ACTL8: variants seen among roughly 807,000 people sequenced by gnomAD.
The protein encoded by ACTL8 is actin-like protein 8.
In ACTL8, 3 loss-of-function variants were observed where a neutral mutation model predicts 9.3. The ratio of observed to expected loss-of-function variants is 0.32; its 90% confidence interval spans 0.15 to 0.83. ACTL8 has a LOEUF of 0.83. ACTL8 is among the 40% of genes least tolerant of loss of function. ACTL8 has a pLI of 0.57. For synonymous variants in ACTL8, 224 were observed against 205.9 expected (o/e 1.09, Z -0.75); for missense variants, 381 against 492.2 (o/e 0.77, Z 2.14).
At chr1:17,808,036 C>T in intron 1 of ACTL8, among the ~76,000 whole-genome samples, 1 of 152,110 alleles carries the variant, frequency 6.6e-6, no homozygotes, top group East Asian at 1.9e-4. Flanking sequence ...TGCTGATACC[C>T]ATAAAATGAG....
At chr1:17,819,690 C>T (rs2053634183) in intron 1 of ACTL8, among the ~76,000 whole-genome samples, 1 of 152,214 alleles carries the variant, frequency 6.6e-6, no homozygotes, top group Admixed American at 6.5e-5. Context: ...AGTTCATACA[C>T]CTTTCATTGA....
intron 1 of ACTL8, among the ~76,000 whole-genome samples, chr1:17,774,078 C>T (rs2066101000): frequency 6.6e-6 from 1 of 152,128 alleles, no homozygotes; most frequent in African/African-American, 2.4e-5. Context: ...GCTGTCATGG[C>T]CTAGAGGTAG....
Position 17,823,215 on chromosome 1 carries a change from G to T in ACTL8, c.207G>T (p.Arg69=), listed in dbSNP as rs759604101. ...HPDTFSYPIE[R]GRILNWEGVQ... ...ACACCTTTAGCTACCCCATCGAGCG[G>T]GGCCGCATCCTCAACTGGGAGGGTG... Residue 69 remains arginine, a synonymous_variant, in exon 2 of 3, where the codon CGG becomes CGT. Coordinates refer to ENST00000375406, the MANE Select transcript of ACTL8 (RefSeq NM_030812.3). This position sits in a 1 kb window ranked among gnomAD's most constrained non-coding sequence, Gnocchi z 5.3. 30 of 1,614,036 alleles carry T rather than the reference G, an allele frequency of 1.9e-5. No individual in the cohort carries two copies. The highest frequency in any genetic ancestry group is 2.3e-5 in the Non-Finnish European group (27 of 1,180,048).
chr1:17,822,316 A>ATAT (rs1478418096), intron 1 of ACTL8, among the ~76,000 whole-genome samples: 1 of 152,182 alleles, frequency 6.6e-6, no homozygotes, highest in Non-Finnish European at 1.5e-5. Context: ...ATCGTGGCAA[A>ATAT]TATTAAATGA....
intron 1 of ACTL8, among the ~76,000 whole-genome samples, chr1:17,780,201 C>G (rs1442751917): frequency 6.6e-6 from 1 of 151,884 alleles, no homozygotes; most frequent in Non-Finnish European, 1.5e-5. Flanking sequence ...GAGTTGAGAC[C>G]CTGTCTTGAA....
At chr1:17,768,021 G>A (rs1028841908) in intron 1 of ACTL8, among the ~76,000 whole-genome samples, 2 of 152,140 alleles carry the variant, frequency 1.3e-5, no homozygotes, top group Non-Finnish European at 2.9e-5. Context: ...AATCAGTCAG[G>A]GCTCCGTGTG....
Position 17,822,931 on chromosome 1 carries a change from G to A in ACTL8, c.-24-54G>A. 12 of 1,266,000 alleles carry A rather than the reference G, an allele frequency of 9.5e-6. No homozygotes were observed. The South Asian group carries it at 1.4e-4, about 15-fold the overall frequency. The allele number at this position is 1,266,000 out of a possible 1,614,324, so 78.4% of individuals were successfully genotyped here. On this transcript the variant is annotated intron_variant, in intron 1 of 2. Coordinates refer to ENST00000375406, the MANE Select transcript of ACTL8 (RefSeq NM_030812.3). ...TGACTGTTGGGTAGAGGGGGAAGCT[G>A]CTTATGGTGGCCTAGGCTGCCTGCA...
At chr1:17,780,605 CTTTGT>C (rs910924317) in intron 1 of ACTL8, among the ~76,000 whole-genome samples, 3 of 151,942 alleles carry the variant, frequency 2.0e-5, no homozygotes, top group African/African-American at 7.3e-5. Flanking sequence ...GTAATTTTTG[CTTTGT>C]TTTATTAATA....
At position 17,823,462 on chromosome 1, in the gene ACTL8, AC is replaced by A. The variant is rs2053682255; in HGVS notation, c.348+108del. ...TTCTGCTTTTTAAGATAAATTGCCAACCAGGTGTGGTGGCTTATGCCTGTAA... is the reference window on the plus strand; with the variant it reads ...TTCTGCTTTTTAAGATAAATTGCCAACAGGTGTGGTGGCTTATGCCTGTAA... On this transcript the variant is annotated intron_variant, in intron 2 of 2. Transcript: ENST00000375406. This position sits in a 1 kb window ranked among gnomAD's most constrained non-coding sequence, Gnocchi z 5.3. The A allele has an allele frequency of 3.8e-5, 43 of 1,142,912 alleles. No individual in the cohort carries two copies. In the South Asian group the frequency reaches 6.6e-4, roughly 18 times the overall value. 70.8% of individuals were successfully genotyped at this position (1,142,912 alleles called of 1,614,324 possible). A position where few individuals can be genotyped will look rare whatever the true frequency, so the allele number is the denominator to read the frequency against.
chr1:17,782,854 C>G (rs900263113), intron 1 of ACTL8, among the ~76,000 whole-genome samples: 4 of 152,182 alleles, frequency 2.6e-5, no homozygotes, highest in Non-Finnish European at 5.9e-5. Context: ...GATGCTGAAT[C>G]TGTGTGAAGC....
chr1:17,821,093 T>C (rs1009814956), intron 1 of ACTL8, among the ~76,000 whole-genome samples: 5 of 152,190 alleles, frequency 3.3e-5, no homozygotes, highest in Non-Finnish European at 7.3e-5. Context: ...TCTATCTTCT[T>C]TGGTGAAGTG....
chr1:17,825,167 C>T (rs545239897), intron 2 of ACTL8, among the ~76,000 whole-genome samples: 3 of 152,138 alleles, frequency 2.0e-5, no homozygotes, highest in South Asian at 4.2e-4. Context: ...ACCAGAATTC[C>T]GGGTTTGTCT....
chr1:17,825,268 CTT>C (rs1285570511), intron 2 of ACTL8, among the ~76,000 whole-genome samples: 1 of 151,334 alleles, frequency 6.6e-6, no homozygotes, highest in African/African-American at 2.4e-5. Context: ...TTTTTCTTTT[CTT>C]TTCTTTTCTT....
At chr1:17,778,133 C>T (rs2066129870) in intron 1 of ACTL8, among the ~76,000 whole-genome samples, 1 of 152,178 alleles carries the variant, frequency 6.6e-6, no homozygotes, top group Admixed American at 6.5e-5. Context: ...GTTTGGGGAA[C>T]AGTTGGGAAT....
intron 1 of ACTL8, among the ~76,000 whole-genome samples, chr1:17,764,765 C>T (rs527285040): frequency 5.9e-5 from 9 of 152,354 alleles, no homozygotes; most frequent in East Asian, 3.9e-4. Flanking sequence ...GTTCCTCCAG[C>T]GTTGCCTGCC....
intron 1 of ACTL8, among the ~76,000 whole-genome samples, chr1:17,789,334 C>A (rs1171749633): frequency 1.3e-5 from 2 of 152,170 alleles, no homozygotes; most frequent in Non-Finnish European, 2.9e-5. Flanking sequence ...CCCATGCTCC[C>A]AGAAGGGCCA....
chr1:17,808,622 A>T (rs1335114687), intron 1 of ACTL8, among the ~76,000 whole-genome samples: 1 of 152,238 alleles, frequency 6.6e-6, no homozygotes, highest in Non-Finnish European at 1.5e-5. Flanking sequence ...TAAGAGAGAT[A>T]CTGTGTGAGA....
rs1054863311 is a variant in ACTL8 at position 17,767,102 on chromosome 1, G to A, written c.-25+11598G>A. Among the ~76,000 whole-genome samples, 1 of 152,134 alleles carries A rather than the reference G, an allele frequency of 6.6e-6. No individual in the cohort carries two copies. Among genetic ancestry groups the A allele is most frequent in the Non-Finnish European group, 1.5e-5 (1 of 68,022 alleles). On this transcript the variant is annotated intron_variant, in intron 1 of 2. Transcript: ENST00000375406. This position sits in a 1 kb window ranked among gnomAD's most constrained non-coding sequence, Gnocchi z 4.7. ...GACTTTGGCCACAGTGGTCAGGGAC[G>A]GGGGAAGCAGACACCTGAGGGGGAA...
chr1:17,820,525 C>T (rs1016621530), intron 1 of ACTL8, among the ~76,000 whole-genome samples: 4 of 150,870 alleles, frequency 2.7e-5, no homozygotes, highest in Admixed American at 6.6e-5. Context: ...TGAGTAAATA[C>T]GTAAGAGTGG....
Sources: gnomAD v4.1 joint callset for allele counts (sites outside exome capture counted in the v4.1 genomes callset) on GRCh38, gnomAD v4.1.1 for gene constraint, Gnocchi (gnomAD v3.1) non-coding constraint, MANE v1.5 for transcripts, NCBI Gene and HGNC (gene_info 2026-07-23, HGNC 2026-07-21) for gene names.